SHTN1: variants seen among roughly 807,000 people sequenced by gnomAD.
SHTN1 encodes shootin 1, also known as shootin-1.
A neutral mutation model predicts 83.1 loss-of-function variants in SHTN1; 42 were observed. The ratio of observed to expected loss-of-function variants is 0.51; its 90% CI spans 0.39 to 0.65. The LOEUF (loss-of-function observed/expected upper bound fraction) is 0.65, where lower values mean the gene tolerates loss of function less well. SHTN1 is among the 30% of genes least tolerant of loss of function. The probability of loss-of-function intolerance (pLI) is 0.00; values close to 1 mark genes in which losing one functional copy is unlikely to be tolerated. For missense variants in SHTN1, 622 were observed against 737.8 expected (o/e 0.84, Z 1.82); for synonymous variants, 224 against 247.7 (o/e 0.90, Z 0.90).
intron 12 of SHTN1, among the ~76,000 whole-genome samples, chr10:116,918,200 C>T (rs17533017): frequency 0.022 from 3,280 of 152,116 alleles, 43 homozygotes; most frequent in Middle Eastern, 0.031. Flanking sequence ...TATTGAACTG[C>T]CACAGGAAAA....
At chr10:117,035,144 C>A (rs1735752167) in intron 2 of SHTN1, among the ~76,000 whole-genome samples, 1 of 152,084 alleles carries the variant, frequency 6.6e-6, no homozygotes, top group African/African-American at 2.4e-5. Context: ...AATAAATAGA[C>A]CATTGGTACA....
intron 2 of SHTN1, among the ~76,000 whole-genome samples, chr10:116,970,983 A>G (rs1201933650): frequency 6.6e-6 from 1 of 152,202 alleles, no homozygotes; most frequent in Non-Finnish European, 1.5e-5. Context: ...CAAGAGAAAT[A>G]ACAGTTCTGT....
intron 5 of SHTN1, 38 bp downstream of exon 5, chr10:116,954,004 G>A (rs752759818): frequency 3.2e-6 from 5 of 1,546,558 alleles, no homozygotes; most frequent in Non-Finnish European, 3.5e-6. Context: ...TCATAACGGG[G>A]TAAAAAATAT....
Position 116,914,895 on chromosome 10 carries a change from A to G in SHTN1, c.1305+480T>C, listed in dbSNP as rs566242355. Among the ~76,000 whole-genome samples the G allele has an allele frequency of 7.9e-5, 12 of 152,152 alleles. No homozygotes were observed. The South Asian group carries it at 2.1e-3, about 26-fold the overall frequency. On this transcript the variant is annotated intron_variant, in intron 13 of 16. Coordinates refer to ENST00000355371, the MANE Select transcript of SHTN1 (RefSeq NM_001127211.3). Reference sequence around the variant, plus strand: ...GAAAAACAATCATATAAGTCTCACTATTTTCCCCAGAGTTGTCCTAGTTTT... The same window carrying G: ...GAAAAACAATCATATAAGTCTCACTGTTTTCCCCAGAGTTGTCCTAGTTTT...
chr10:117,051,136 C>A (rs1852734701), intron 1 of SHTN1, among the ~76,000 whole-genome samples: 1 of 151,908 alleles, frequency 6.6e-6, no homozygotes, highest in African/African-American at 2.4e-5. Flanking sequence ...TACTATAAAC[C>A]AAAATATTAG....
chr10:116,912,733 T>C (rs968304723), intron 13 of SHTN1, among the ~76,000 whole-genome samples: 3 of 151,962 alleles, frequency 2.0e-5, no homozygotes, highest in Admixed American at 6.5e-5. Context: ...TCACAAAGGA[T>C]AGAGATGAAG....
intron 15 of SHTN1, among the ~76,000 whole-genome samples, chr10:116,902,486 C>G (rs1238224577): frequency 2.0e-5 from 3 of 152,134 alleles, no homozygotes; most frequent in Non-Finnish European, 4.4e-5. Context: ...AAAACACAGA[C>G]ACAAAATCAT....
rs545146936 is a variant in SHTN1 at position 116,897,215 on chromosome 10, A to C, written c.1673+4550T>G. Among the ~76,000 whole-genome samples, 4 of 152,346 alleles carry C rather than the reference A, an allele frequency of 2.6e-5. No homozygotes were observed. In the East Asian group the frequency reaches 7.7e-4, roughly 29 times the overall value. Reference sequence around the variant, plus strand: ...TGGCCCCTAAGAGTACTACTCTAAAAGATAACAGTTATTTTGATTTGGACT... The same window carrying C: ...TGGCCCCTAAGAGTACTACTCTAAACGATAACAGTTATTTTGATTTGGACT... On this transcript the variant is annotated intron_variant, in intron 16 of 16. Coordinates refer to ENST00000355371, the MANE Select transcript of SHTN1 (RefSeq NM_001127211.3).
At chr10:117,039,647 A>G (rs1052523962) in intron 2 of SHTN1, among the ~76,000 whole-genome samples, 1 of 151,930 alleles carries the variant, frequency 6.6e-6, no homozygotes, top group Non-Finnish European at 1.5e-5. Flanking sequence ...AGGTCAGGAG[A>G]TCAAGACCAT....
At chr10:116,989,735 G>A (rs894715727) in intron 1 of SHTN1, among the ~76,000 whole-genome samples, 12 of 152,182 alleles carry the variant, frequency 7.9e-5, no homozygotes, top group South Asian at 2.1e-4. Flanking sequence ...AAAATGAAGT[G>A]TTCTTTGTTG....
At chr10:117,053,024 A>AAAAAAAAAAG (rs1554934278) in intron 1 of SHTN1, among the ~76,000 whole-genome samples, 996 of 51,374 alleles carry the variant, frequency 0.019, 355 homozygotes, top group Non-Finnish European at 0.042. Context: ...TGTCTCAAAA[A>AAAAAAAAAAG]AAAAAAGAAT....
intron 16 of SHTN1, among the ~76,000 whole-genome samples, chr10:116,898,455 A>C (rs1474159279): frequency 6.6e-6 from 1 of 152,194 alleles, no homozygotes; most frequent in Non-Finnish European, 1.5e-5. Flanking sequence ...TCAACAGAAG[A>C]GCATGAAAGC....
At chr10:117,047,343 G>A (rs989229569) in intron 2 of SHTN1, among the ~76,000 whole-genome samples, 1 of 151,960 alleles carries the variant, frequency 6.6e-6, no homozygotes, top group African/African-American at 2.4e-5. Flanking sequence ...GGGATTACAG[G>A]CGTGAGCCAC....
chr10:116,911,322 C>T (rs964676353), intron 14 of SHTN1, among the ~76,000 whole-genome samples: 1 of 152,184 alleles, frequency 6.6e-6, no homozygotes, highest in African/African-American at 2.4e-5. Flanking sequence ...CTCAATTTAT[C>T]ATCAAATAAT....
intron 1 of SHTN1, among the ~76,000 whole-genome samples, chr10:117,056,740 G>A (rs1357342679): frequency 6.6e-6 from 1 of 152,180 alleles, no homozygotes; most frequent in Non-Finnish European, 1.5e-5. Flanking sequence ...GAACCCAGGA[G>A]GCAGTAGTTG....
intron 4 of SHTN1, among the ~76,000 whole-genome samples, 167 bp from the exon 5 acceptor site, chr10:116,954,377 T>C (rs1488356825): frequency 6.6e-6 from 1 of 152,228 alleles, no homozygotes; most frequent in Non-Finnish European, 1.5e-5. Flanking sequence ...ATTAAATTTA[T>C]TTCTTTAACC....
At chr10:116,977,289 C>T (rs1237364484) in intron 2 of SHTN1, among the ~76,000 whole-genome samples, 4 of 152,150 alleles carry the variant, frequency 2.6e-5, no homozygotes, top group Non-Finnish European at 4.4e-5. Flanking sequence ...TATATGAAGA[C>T]AACTGTTTGC....
At chr10:117,122,811 T>C (rs1176281541) in intron 1 of SHTN1, among the ~76,000 whole-genome samples, 2 of 152,200 alleles carry the variant, frequency 1.3e-5, no homozygotes, top group Non-Finnish European at 2.9e-5. Context: ...AACCTCTTCA[T>C]ATACTATTAA....
Position 116,892,385 on chromosome 10 carries a change from T to G in SHTN1, c.1674-5819A>C, listed in dbSNP as rs1847365637. 2.0e-5 allele frequency among the ~76,000 whole-genome samples: 3 copies of G among 152,226 alleles called. No individual in the cohort carries two copies. In the South Asian group the frequency reaches 6.2e-4, roughly 32 times the overall value. On this transcript the variant is annotated intron_variant, in intron 16 of 16. Coordinates refer to ENST00000355371, the MANE Select transcript of SHTN1 (RefSeq NM_001127211.3). Reference sequence around the variant, plus strand: ...TCGGCCAAAGATTCTGAAATGTGGGTGATCATTTTCTTAAGCTTCGTTTTT... The same window carrying G: ...TCGGCCAAAGATTCTGAAATGTGGGGGATCATTTTCTTAAGCTTCGTTTTT...
Sources: allele counts gnomAD v4.1 joint callset (sites outside exome capture counted in the v4.1 genomes callset), GRCh38; gene constraint gnomAD v4.1.1; transcripts MANE v1.5; gene names NCBI Gene and HGNC (gene_info 2026-07-23, HGNC 2026-07-21).